Variants in SLC36A1 observed in about 807,000 individuals in gnomAD.
SLC36A1 encodes the protein solute carrier family 36 member 1.
A neutral mutation model predicts 47.5 loss-of-function variants in SLC36A1; 30 were observed. The ratio of observed to expected loss-of-function variants is 0.63; its 90% confidence interval spans 0.47 to 0.86. The LOEUF (loss-of-function observed/expected upper bound fraction) is 0.86. Among genes scored for constraint, SLC36A1 ranks in the 40% least tolerant of loss-of-function variants. The probability of loss-of-function intolerance (pLI) is 0.00; values close to 1 mark genes in which losing one functional copy is unlikely to be tolerated. For missense variants in SLC36A1, 517 were observed against 606.0 expected, an observed-to-expected ratio of 0.85 and a Z score of 1.54; for synonymous variants, 255 against 249.7, an observed-to-expected ratio of 1.02 and a Z score of -0.20.
chr5:151,449,411 G>T (rs1753269729), intron 1 of SLC36A1, among the ~76,000 whole-genome samples: 1 of 152,224 alleles, frequency 6.6e-6, no homozygotes, highest in African/African-American at 2.4e-5. Flanking sequence ...TTTGTCTGGG[G>T]ATGGAGGCTA....
At chr5:151,459,860 T>G (rs1356067056) in intron 2 of SLC36A1, 1 of 152,306 alleles carries the variant, frequency 6.6e-6, no homozygotes, top group African/African-American at 2.4e-5. Flanking sequence ...CTGCACTGTC[T>G]GCTGGTACAG....
rs771740212 is a variant in SLC36A1 at position 151,479,408 on chromosome 5, C to T, written c.1078C>T (p.Pro360Ser). 1.9e-6 allele frequency: 3 copies of T among 1,614,216 alleles called. No individual in the cohort carries two copies. The highest frequency in any genetic ancestry group is 3.3e-5 in the Admixed American group (2 of 60,018). The change falls in exon 10 of 11, where the codon CCC becomes TCC. Residue 360 changes from proline to serine, a missense_variant. Physicochemically the swap from Pro to Ser is moderately conservative, Grantham distance 74. Coordinates refer to ENST00000243389, the MANE Select transcript of SLC36A1 (RefSeq NM_078483.4). ...QFYVPAEIII[P>S]FFVSRAPEHC... is the part of the protein sequence containing the mutation. Reference sequence around the variant, plus strand: ...CTACGTCCCGGCTGAGATCATCATCCCCTTCTTTGTGTCCCGAGCGCCCGA... The same window carrying T: ...CTACGTCCCGGCTGAGATCATCATCTCCTTCTTTGTGTCCCGAGCGCCCGA...
At chr5:151,374,912 T>G in the SLC36A1 span, among the ~76,000 whole-genome samples, 2 of 150,588 alleles carry the variant, frequency 1.3e-5, no homozygotes, top group African/African-American at 2.4e-5. Flanking sequence ...TGTTGGGGTT[T>G]TTTTTTTTTT....
intron 7 of SLC36A1, among the ~76,000 whole-genome samples, chr5:151,468,266 A>T (rs796356680): frequency 0.019 from 1,190 of 63,674 alleles, 30 homozygotes; most frequent in African/African-American, 0.035. Flanking sequence ...AAAAAAAAAA[A>T]ATATATATAT....
the SLC36A1 span, chr5:151,527,084 T>C: frequency 1.3e-6 from 1 of 741,958 alleles, no homozygotes; most frequent in Non-Finnish European, 2.2e-6. Context: ...AATTCTATAA[T>C]GCCCTCCAGC....
the SLC36A1 span, chr5:151,507,364 G>A: frequency 6.2e-7 from 1 of 1,614,214 alleles, no homozygotes. Context: ...AATGGGTTGA[G>A]CTCGATGGCA....
Position 151,467,273 on chromosome 5 carries a change from A to G in SLC36A1, c.494A>G (p.Asn165Ser), listed in dbSNP as rs758673415. ...CCVYFVFLAD[N>S]FKQVIEAANG... ...GTCTATTTTGTGTTTCTGGCTGACA[A>G]CTTTAAACAGGTAGGCACCTGGTTA... Residue 165 changes from asparagine to serine, a missense_variant, in exon 6 of 11, where the codon AAC becomes AGC. Transcript: ENST00000243389. 1 of 1,601,376 alleles carries G rather than the reference A, an allele frequency of 6.2e-7. No individual in the cohort carries two copies. The highest frequency in any genetic ancestry group is 8.5e-7 in the Non-Finnish European group (1 of 1,172,266).
chr5:151,441,819 T>C (rs1581024937), intron 1 of SLC36A1, among the ~76,000 whole-genome samples: 1 of 152,188 alleles, frequency 6.6e-6, no homozygotes, highest in East Asian at 1.9e-4. Context: ...TTAAAGCATG[T>C]AACTTGATAA....
At chr5:151,382,202 C>T in the SLC36A1 span, 2 of 1,200,958 alleles carry the variant, frequency 1.7e-6, no homozygotes, top group Non-Finnish European at 1.2e-6. Context: ...GTCTGATGTC[C>T]TGGGTGAACC....
rs574977079 is a variant in SLC36A1 at position 151,452,749 on chromosome 5, A to C, written c.-6+4936A>C. 1.7e-3 allele frequency among the ~76,000 whole-genome samples: 260 copies of C among 152,022 alleles called. 1 individual carries two copies. Among genetic ancestry groups the C allele is most frequent in the African/African-American group, 6.2e-3 (257 of 41,456 alleles). On this transcript the variant is annotated intron_variant, in intron 1 of 10. Transcript: ENST00000243389. ...TCTGGGCATGGTGATGGACGCCTGT[A>C]ATCCCAGCCACTCGGGAGGCTGAGG...
chr5:151,399,697 T>C, the SLC36A1 span, among the ~76,000 whole-genome samples: 3 of 152,170 alleles, frequency 2.0e-5, no homozygotes, highest in Admixed American at 2.0e-4. Context: ...GCAGGGATTG[T>C]CATACAGAGA....
the SLC36A1 span, chr5:151,507,268 A>T: frequency 6.2e-7 from 1 of 1,614,100 alleles, no homozygotes; most frequent in Non-Finnish European, 8.5e-7. Flanking sequence ...CGTTGCTTAG[A>T]ATTGGGTCCA....
chr5:151,550,889 G>A, the SLC36A1 span: 2 of 1,609,520 alleles, frequency 1.2e-6, no homozygotes, highest in Non-Finnish European at 1.7e-6. Flanking sequence ...GGGAGATGAG[G>A]GAGAAGGTGC....
chr5:151,540,890 C>T, the SLC36A1 span: 7 of 830,910 alleles, frequency 8.4e-6, no homozygotes, highest in South Asian at 3.8e-5. Context: ...CCTTCCTTAA[C>T]TAGGAACCCA....
chr5:151,530,868 C>T, the SLC36A1 span, among the ~76,000 whole-genome samples: 1 of 152,092 alleles, frequency 6.6e-6, no homozygotes, highest in African/African-American at 2.4e-5. Flanking sequence ...ACACAGGGCT[C>T]ATTGTACTAT....
At chr5:151,530,661 A>G in the SLC36A1 span, among the ~76,000 whole-genome samples, 1 of 152,232 alleles carries the variant, frequency 6.6e-6, no homozygotes. Context: ...GGTGATATTA[A>G]GAAATTGTTA....
At chr5:151,504,430 A>C in the SLC36A1 span, 2 of 152,676 alleles carry the variant, frequency 1.3e-5, no homozygotes, top group Non-Finnish European at 2.9e-5. Flanking sequence ...CACACGTACT[A>C]TCCATGGGCA....
intron 7 of SLC36A1, among the ~76,000 whole-genome samples, chr5:151,468,273 A>ATATATATATATATATATATATATATTT (rs1561759802): frequency 2.1e-5 from 2 of 93,352 alleles, no homozygotes; most frequent in African/African-American, 1.0e-4. Flanking sequence ...AAAAATATAT[A>ATATATATATATATATATATATATATTT]TATATATATA....
chr5:151,536,403 C>T, the SLC36A1 span, among the ~76,000 whole-genome samples: 1 of 152,152 alleles, frequency 6.6e-6, no homozygotes, highest in South Asian at 2.1e-4. Context: ...CCTGCCACCC[C>T]CTGCTCAGGT....
Sources: allele counts gnomAD v4.1 joint callset (sites outside exome capture counted in the v4.1 genomes callset), GRCh38; gene constraint gnomAD v4.1.1; transcripts MANE v1.5; gene names NCBI Gene and HGNC (gene_info 2026-07-23, HGNC 2026-07-21).